Variants in NAT1 observed in about 807,000 individuals in gnomAD.
The protein encoded by NAT1 is N-acetyltransferase 1.
For synonymous variants in NAT1, 144 were observed against 122.6 expected, an observed-to-expected ratio of 1.17 and a Z score of -1.16; for missense variants, 400 against 339.2, an observed-to-expected ratio of 1.18 and a Z score of -1.41.
Position 18,210,640 on chromosome 8 carries a change from C to A in NAT1, c.-86+460C>A, listed in dbSNP as rs28359489. Among the ~76,000 whole-genome samples, 686 of 152,276 alleles carry A rather than the reference C, an allele frequency of 4.5e-3. 2 individuals carry two copies. Among genetic ancestry groups the A allele is most frequent in the East Asian group, 0.03 (154 of 5,188 alleles). On this transcript the variant is annotated intron_variant, in intron 1 of 2. Coordinates refer to ENST00000307719, the MANE Select transcript of NAT1 (RefSeq NM_000662.8). The stretch of plus-strand genomic sequence containing the variant: ...CCCAGTGGTGTGTGTCCCAAAGGAC[C>A]CAGTTAATCCTACAGGCAGCAAGCT...
chr8:18,180,114 G>C (rs539262571), intron 2 of NAT1, among the ~76,000 whole-genome samples: 1 of 151,396 alleles, frequency 6.6e-6, no homozygotes, highest in Admixed American at 6.6e-5. Context: ...AAGGAGAATT[G>C]GGGGAGCTAG....
At chr8:18,219,377 A>G (rs1805045694) in intron 1 of NAT1, 34 bp from the exon 2 acceptor site, 2 of 1,378,876 alleles carry the variant, frequency 1.5e-6, no homozygotes, top group South Asian at 1.3e-5. Flanking sequence ...AAGTCATGTT[A>G]TATATTTCTG....
At chr8:18,197,362 G>A (rs1163150371) in intron 2 of NAT1, among the ~76,000 whole-genome samples, 1 of 152,156 alleles carries the variant, frequency 6.6e-6, no homozygotes, top group African/African-American at 2.4e-5. Context: ...AGCCATCGGG[G>A]GATAACTCAG....
intron 2 of NAT1, among the ~76,000 whole-genome samples, chr8:18,199,849 G>T (rs1803389483): frequency 6.6e-6 from 1 of 152,132 alleles, no homozygotes; most frequent in African/African-American, 2.4e-5. Context: ...TTAAAAGATG[G>T]GAAAAGGATA....
Position 18,219,477 on chromosome 8 carries a change from C to A in NAT1, c.-19C>A, listed in dbSNP as rs1406570471. On this transcript the variant is annotated 5_prime_UTR_variant, in exon 2 of 3. Transcript: ENST00000307719. The stretch of plus-strand genomic sequence containing the variant: ...AAACTGAAGATCAACCTACTTTCAA[C>A]TTACTAAGAAAGGTATTAAGCGCCT... The A allele has an allele frequency of 1.9e-6, 3 of 1,549,200 alleles. No homozygotes were observed. The highest frequency in any genetic ancestry group is 1.7e-6 in the Non-Finnish European group (2 of 1,145,356).
At chr8:18,176,739 T>A (rs1280154175) in intron 2 of NAT1, among the ~76,000 whole-genome samples, 2 of 152,054 alleles carry the variant, frequency 1.3e-5, no homozygotes, top group Non-Finnish European at 2.9e-5. Flanking sequence ...ATTTTTTTTC[T>A]ATTTTTATAA....
In NAT1 at chr8:18,222,637, G is replaced by A. The variant is rs1044890902; in HGVS notation, c.590G>A (p.Arg197Gln). Residue 197 changes from arginine to glutamine, a missense_variant, in exon 3 of 3, where the codon CGA becomes CAA. Arg to Gln is a conservative substitution (Grantham distance 43). Coordinates refer to ENST00000307719, the MANE Select transcript of NAT1 (RefSeq NM_000662.8). ...RKIYSFTLKP[R>Q]TIEDFESMNT... ...ATCTACTCCTTTACTCTTAAGCCTC[G>A]AACAATTGAAGATTTTGAGTCTATG... 6.8e-6 allele frequency: 11 copies of A among 1,612,870 alleles called. No homozygotes were observed. The highest frequency in any genetic ancestry group is 5.3e-5 in the African/African-American group (4 of 74,794).
chr8:18,210,592 A>C (rs537128793), intron 1 of NAT1, among the ~76,000 whole-genome samples: 58 of 152,362 alleles, frequency 3.8e-4, no homozygotes, highest in Non-Finnish European at 6.6e-4. Flanking sequence ...TACTTGTAAC[A>C]GTGACGCTCA....
At chr8:18,194,399 C>T (rs1014781239) in intron 2 of NAT1, among the ~76,000 whole-genome samples, 2 of 152,160 alleles carry the variant, frequency 1.3e-5, no homozygotes, top group African/African-American at 4.8e-5. Flanking sequence ...TTTCTTCTTA[C>T]TCTGATGTTT....
chr8:18,223,515 G>T lies in NAT1; in HGVS notation c.*595G>T, dbSNP rs1805564683. 1 of 166,860 alleles carries T rather than the reference G, an allele frequency of 6.0e-6. No individual in the cohort carries two copies. The highest frequency in any genetic ancestry group is 6.6e-5 in the Admixed American group (1 of 15,264). The allele number at this position is 166,860 out of a possible 1,614,324, so 10.3% of individuals were successfully genotyped here. On this transcript the variant is annotated 3_prime_UTR_variant, in exon 3 of 3. Transcript: ENST00000307719. ...TGGACACTGGGCGAATTACTTTTTA[G>T]ATCTGTAGCTCTGACTCCTCAGGCA...
At chr8:18,193,723 C>A (rs1306311538) in intron 2 of NAT1, among the ~76,000 whole-genome samples, 2 of 135,002 alleles carry the variant, frequency 1.5e-5, no homozygotes, top group East Asian at 5.0e-4. Flanking sequence ...CTCACTACAA[C>A]CTCCGCCTCC....
At chr8:18,181,008 C>T (rs563814247) in intron 2 of NAT1, among the ~76,000 whole-genome samples, 11 of 150,960 alleles carry the variant, frequency 7.3e-5, no homozygotes, top group Admixed American at 2.0e-4. Context: ...GTTCTATACA[C>T]ATTTTAGAAT....
chr8:18,172,550 C>T (rs185970982), intron 2 of NAT1, among the ~76,000 whole-genome samples: 14 of 152,302 alleles, frequency 9.2e-5, no homozygotes, highest in Middle Eastern at 3.4e-3. Flanking sequence ...GGCCTGTGCC[C>T]ATGCTGTTTC....
intron 2 of NAT1, among the ~76,000 whole-genome samples, chr8:18,180,818 A>G (rs1589054790): frequency 6.6e-6 from 1 of 152,082 alleles, no homozygotes; most frequent in Non-Finnish European, 1.5e-5. Context: ...GTGGCTGGGA[A>G]TAGTGGATTT....
upstream of NAT1, among the ~76,000 whole-genome samples, chr8:18,207,661 T>C (rs999453545): frequency 6.6e-6 from 1 of 152,192 alleles, no homozygotes; most frequent in Non-Finnish European, 1.5e-5. Context: ...TTTTCCACTG[T>C]TGGTGGGAAT....
intron 2 of NAT1, among the ~76,000 whole-genome samples, chr8:18,198,281 AAC>A (rs1803316417): frequency 6.6e-6 from 1 of 152,192 alleles, no homozygotes; most frequent in Non-Finnish European, 1.5e-5. Flanking sequence ...ATCAGAGAAA[AAC>A]ATTATGAGAG....
chr8:18,188,247 T>C (rs1039984574), intron 2 of NAT1, among the ~76,000 whole-genome samples: 2 of 152,180 alleles, frequency 1.3e-5, no homozygotes, highest in Non-Finnish European at 1.5e-5. Context: ...GAAAGCAACA[T>C]TTTTTCTTCT....
At chr8:18,205,954 T>G (rs28741070), upstream of NAT1, among the ~76,000 whole-genome samples, 2 of 152,158 alleles carry the variant, frequency 1.3e-5, no homozygotes, top group African/African-American at 4.8e-5. Context: ...CTGACAGTTC[T>G]CCAAGGGCTA....
intron 2 of NAT1, among the ~76,000 whole-genome samples, chr8:18,192,945 C>G (rs1201805053): frequency 6.6e-6 from 1 of 150,778 alleles, no homozygotes. Context: ...ACATATGTAA[C>G]TAACCTGCAC....
Sources: allele counts gnomAD v4.1 joint callset (sites outside exome capture counted in the v4.1 genomes callset), GRCh38; gene constraint gnomAD v4.1.1; transcripts MANE v1.5; gene names NCBI Gene and HGNC (gene_info 2026-07-23, HGNC 2026-07-21).